Variants in ARHGEF4 observed in about 807,000 individuals in gnomAD.
ARHGEF4 encodes the protein APC-stimulated guanine nucleotide exchange factor 1.
In ARHGEF4, 119 loss-of-function variants were observed where a neutral mutation model predicts 162.0. The observed-to-expected ratio is 0.73, with a 90% CI of 0.63 to 0.86. The LOEUF (loss-of-function observed/expected upper bound fraction) is 0.86, where lower values mean the gene tolerates loss of function less well. Among genes scored for constraint, ARHGEF4 ranks in the 40% least tolerant of loss-of-function variants. The pLI is 0.00. For missense variants in ARHGEF4, 2,488 were observed against 2,456.0 expected (o/e 1.01, Z -0.28); for synonymous variants, 1,014 against 979.9 (o/e 1.03, Z -0.65).
intron 9 of ARHGEF4, 135 bp downstream of exon 9, chr2:131,041,597 GCTC>G: frequency 9.0e-7 from 1 of 1,110,332 alleles, no homozygotes; most frequent in East Asian, 2.5e-5. Context: ...GTCCTGATGA[GCTC>G]CTTGCAATGG....
intron 4 of ARHGEF4, among the ~76,000 whole-genome samples, chr2:130,992,258 G>A (rs1304249365): frequency 6.6e-6 from 1 of 152,124 alleles, no homozygotes; most frequent in Admixed American, 6.5e-5. Context: ...ATAAAAGCAG[G>A]CTGCCTGCGC....
chr2:131,018,888 T>C (rs1688922688), intron 4 of ARHGEF4, among the ~76,000 whole-genome samples: 2 of 152,234 alleles, frequency 1.3e-5, no homozygotes, highest in South Asian at 4.1e-4. Context: ...CGAAAATCAA[T>C]TGACCACATA....
intron 4 of ARHGEF4, among the ~76,000 whole-genome samples, chr2:131,005,551 T>C (rs1236818785): frequency 6.6e-6 from 1 of 152,162 alleles, no homozygotes; most frequent in Non-Finnish European, 1.5e-5. Context: ...GTGAGTGAGA[T>C]TTCTATATGT....
chr2:130,893,041 C>G (rs187602168), intron 1 of ARHGEF4, among the ~76,000 whole-genome samples: 4,086 of 152,318 alleles, frequency 0.027, 158 homozygotes, highest in African/African-American at 0.092. Context: ...CTGAGTGTGG[C>G]GTGCAAAGCC....
At chr2:131,010,547 A>G (rs1247383174) in intron 4 of ARHGEF4, among the ~76,000 whole-genome samples, 1 of 152,202 alleles carries the variant, frequency 6.6e-6, no homozygotes, top group Non-Finnish European at 1.5e-5. Flanking sequence ...TAGGTTTTGG[A>G]TGACGCTAAT....
rs142246049 is a variant in ARHGEF4 at position 131,031,251 on chromosome 2, G to T, written c.4125+3167G>T. Among the ~76,000 whole-genome samples, 820 of 152,296 alleles carry T rather than the reference G, an allele frequency of 5.4e-3. 6 individuals carry two copies. The highest frequency in any genetic ancestry group is 0.018 in the African/African-American group (751 of 41,554). ...TTTAGCCAGATGCCTCCCTCAGAAG[G>T]GGAAACCACCTTGCAATTTCCTAAG... On this transcript the variant is annotated intron_variant, in intron 5 of 13. Coordinates refer to ENST00000409359, the MANE Select transcript of ARHGEF4 (RefSeq NM_001367493.1).
rs368274872 is a variant in ARHGEF4 at position 130,856,464 on chromosome 2, T to G, written c.39+19472T>G. 5.9e-5 allele frequency among the ~76,000 whole-genome samples: 9 copies of G among 152,352 alleles called. No individual in the cohort carries two copies. The East Asian group carries it at 9.6e-4, about 16-fold the overall frequency. On this transcript the variant is annotated intron_variant, in intron 1 of 13. Transcript: ENST00000409359. ...TGGAAATAATTTGTTGCTAGCAGAT[T>G]TGCCTTGCAAGAAATACTAAAGGAA...
chr2:130,851,398 C>T (rs1002155166), intron 1 of ARHGEF4, among the ~76,000 whole-genome samples: 1 of 152,236 alleles, frequency 6.6e-6, no homozygotes, highest in Non-Finnish European at 1.5e-5. Context: ...AGGAAGGAAG[C>T]TCACATCTTC....
At chr2:130,988,901 T>TATATATAGAG (rs1469212068) in intron 4 of ARHGEF4, among the ~76,000 whole-genome samples, 62 of 113,356 alleles carry the variant, frequency 5.5e-4, no homozygotes, top group South Asian at 1.0e-3. Context: ...TATATATATA[T>TATATATAGAG]AGAGAGAGAG....
At chr2:130,870,609 A>G (rs548836685) in intron 1 of ARHGEF4, among the ~76,000 whole-genome samples, 1 of 152,322 alleles carries the variant, frequency 6.6e-6, no homozygotes, top group African/African-American at 2.4e-5. Context: ...CAACTGCCCC[A>G]GTTACCAACA....
At chr2:130,974,414 A>T (rs1380620701) in intron 4 of ARHGEF4, among the ~76,000 whole-genome samples, 1 of 152,076 alleles carries the variant, frequency 6.6e-6, no homozygotes, top group Non-Finnish European at 1.5e-5. Flanking sequence ...ATTTAAATGA[A>T]CATAACTGTA....
Position 130,883,176 on chromosome 2 carries a change from CAGTG to C in ARHGEF4, c.40-30807_40-30804del, listed in dbSNP as rs988793745. ...ACGGTACTCGGATGTAGTGGGCAGA[CAGTG>C]AGGATTTGTTGAACTGACTGGGTGG... On this transcript the variant is annotated intron_variant, in intron 1 of 13. Coordinates refer to ENST00000409359, the MANE Select transcript of ARHGEF4 (RefSeq NM_001367493.1). Among the ~76,000 whole-genome samples the C allele has an allele frequency of 6.6e-4, 100 of 152,216 alleles. 1 individual carries two copies. The highest frequency in any genetic ancestry group is 2.3e-3 in the African/African-American group (94 of 41,470).
chr2:130,988,689 A>G (rs535417883), intron 4 of ARHGEF4, among the ~76,000 whole-genome samples: 88 of 152,142 alleles, frequency 5.8e-4, no homozygotes, highest in African/African-American at 2.0e-3. Context: ...ATGTCACTAA[A>G]TATTTCTCAA....
At chr2:130,947,292 G>A (rs1486936024) in intron 4 of ARHGEF4, 1 of 152,356 alleles carries the variant, frequency 6.6e-6, no homozygotes, top group Non-Finnish European at 1.5e-5. Flanking sequence ...TACTCAGAGG[G>A]ATGAGGCAGG....
rs552601780 is a variant in ARHGEF4 at position 130,849,197 on chromosome 2, G to A, written c.39+12205G>A. On this transcript the variant is annotated intron_variant, in intron 1 of 13. Coordinates refer to ENST00000409359, the MANE Select transcript of ARHGEF4 (RefSeq NM_001367493.1). The stretch of plus-strand genomic sequence containing the variant: ...TTGTTTCTCAGTGTGCCCACCTCCC[G>A]GAGCTCCCCAAAGAGTAACGGGAGA... Among the ~76,000 whole-genome samples, 121 of 152,272 alleles carry A rather than the reference G, an allele frequency of 7.9e-4. 1 individual carries two copies. Among genetic ancestry groups the A allele is most frequent in the East Asian group, 5.8e-4 (3 of 5,174 alleles).
chr2:130,971,885 C>T (rs1685396683), intron 4 of ARHGEF4, among the ~76,000 whole-genome samples: 2 of 152,262 alleles, frequency 1.3e-5, no homozygotes, highest in African/African-American at 2.4e-5. Flanking sequence ...CTTCTCTTCT[C>T]GACGTTTCCA....
At chr2:131,032,303 G>A (rs374792533) in intron 5 of ARHGEF4, among the ~76,000 whole-genome samples, 4 of 151,570 alleles carry the variant, frequency 2.6e-5, no homozygotes, top group South Asian at 2.1e-4. Flanking sequence ...GAGACAACCC[G>A]AGGATGCTAT....
intron 1 of ARHGEF4, among the ~76,000 whole-genome samples, chr2:130,847,868 C>T (rs1047861407): frequency 1.3e-5 from 2 of 152,254 alleles, no homozygotes; most frequent in Non-Finnish European, 2.9e-5. Context: ...GGCATGAGGG[C>T]CTGCGTGCCC....
chr2:130,848,225 C>G (rs1313289581), intron 1 of ARHGEF4, among the ~76,000 whole-genome samples: 2 of 152,178 alleles, frequency 1.3e-5, no homozygotes, highest in Non-Finnish European at 2.9e-5. Context: ...GCGGTCTGGG[C>G]TGCTCCCGCC....
Sources: gnomAD v4.1 joint callset for allele counts (sites outside exome capture counted in the v4.1 genomes callset) on GRCh38, gnomAD v4.1.1 for gene constraint, MANE v1.5 for transcripts, NCBI Gene and HGNC (gene_info 2026-07-23, HGNC 2026-07-21) for gene names.